REL: variants seen among roughly 807,000 people sequenced by gnomAD.
REL encodes REL proto-oncogene, NF-kB subunit, also known as proto-oncogene c-Rel.
Under a neutral mutation model 45.9 loss-of-function variants are expected in REL, and 15 were observed. The observed-to-expected ratio is 0.33, with a 90% CI of 0.22 to 0.50. The LOEUF is 0.50. REL is among the 20% of genes least tolerant of loss of function. The pLI is 0.98. For missense variants in REL, 601 were observed against 715.2 expected (o/e 0.84, Z 1.82); for synonymous variants, 239 against 242.1 (o/e 0.99, Z 0.12).
rs1673298752 is a variant in REL, at chr2:60,894,525, A to G, written c.282A>G (p.Gly94=). The change falls in exon 3 of 10, where the codon GGA becomes GGG. Residue 94 remains glycine (G), a synonymous_variant. Coordinates refer to ENST00000394479, the MANE Select transcript of REL (RefSeq NM_001291746.2). Reference sequence around the variant, plus strand: ...ACGGCTACTATGAAGCAGAATTTGGACAAGAACGCAGACCTTTGTTGTAAG... The same window carrying G: ...ACGGCTACTATGAAGCAGAATTTGGGCAAGAACGCAGACCTTTGTTGTAAG... The part of the protein sequence containing the change: ...CRDGYYEAEF[G]QERRPLFFQN... 2 of 1,603,100 alleles carry G rather than the reference A, an allele frequency of 1.2e-6. No homozygotes were observed. The highest frequency in any genetic ancestry group is 1.7e-6 in the Non-Finnish European group (2 of 1,174,874).
chr2:60,901,973 A>G (rs1484735185), intron 4 of REL, among the ~76,000 whole-genome samples: 12 of 152,116 alleles, frequency 7.9e-5, no homozygotes, highest in African/African-American at 2.9e-4. Context: ...TCCCTGGCTA[A>G]CTGTTACTTG....
At chr2:60,916,379 A>G (rs984481979) in intron 4 of REL, among the ~76,000 whole-genome samples, 2 of 152,172 alleles carry the variant, frequency 1.3e-5, no homozygotes, top group African/African-American at 4.8e-5. Flanking sequence ...GCATCACTGC[A>G]CTCCAGCCTG....
chr2:60,901,476 C>T (rs1375400273), intron 4 of REL, among the ~76,000 whole-genome samples: 1 of 152,098 alleles, frequency 6.6e-6, no homozygotes, highest in Non-Finnish European at 1.5e-5. Context: ...ATATCTTCAA[C>T]CTGTGTTTTA....
Position 60,906,096 on chromosome 2 carries a change from G to A in REL, c.394+5013G>A, listed in dbSNP as rs142838288. On this transcript the variant is annotated intron_variant, in intron 4 of 9. Transcript: ENST00000394479. ...GAGAAAATGAGGAAAATGCAAAAGC[G>A]GAAATCCCTGATAAAACCATCATAT... Among the ~76,000 whole-genome samples, 225 of 152,236 alleles carry A rather than the reference G, an allele frequency of 1.5e-3. 1 individual carries two copies. The highest frequency in any genetic ancestry group is 2.6e-3 in the Non-Finnish European group (177 of 68,020).
In REL at chr2:60,881,786, C is replaced by A; in HGVS notation, c.-55C>A. On this transcript the variant is annotated 5_prime_UTR_variant, in exon 1 of 10. Coordinates refer to ENST00000394479, the MANE Select transcript of REL (RefSeq NM_001291746.2). Reference sequence around the variant, plus strand: ...GGCCTCCTGACTGACTGACTGCGGCCGCCTCCGGCCAGGACGCTGGGAGCT... The same window carrying A: ...GGCCTCCTGACTGACTGACTGCGGCAGCCTCCGGCCAGGACGCTGGGAGCT... The A allele has an allele frequency of 2.0e-6, 3 of 1,520,218 alleles. No homozygotes were observed. The highest frequency in any genetic ancestry group is 2.6e-6 in the Non-Finnish European group (3 of 1,132,264). The allele number at this position is 1,520,218 out of a possible 1,614,324, so 94.2% of individuals were successfully genotyped here.
At chr2:60,916,804 C>G in intron 4 of REL, 73 bp from the exon 5 acceptor site, 2 of 985,994 alleles carry the variant, frequency 2.0e-6, no homozygotes, top group Non-Finnish European at 3.0e-6. Flanking sequence ...CTATAATGGG[C>G]AGGGAGGAGG....
chr2:60,893,527 T>G (rs1312494724), intron 2 of REL, among the ~76,000 whole-genome samples: 1 of 152,230 alleles, frequency 6.6e-6, no homozygotes, highest in African/African-American at 2.4e-5. Context: ...TATGTATTTT[T>G]ACCATTCCAG....
chr2:60,906,005 C>A (rs771080428), intron 4 of REL, among the ~76,000 whole-genome samples: 3 of 152,196 alleles, frequency 2.0e-5, no homozygotes, highest in Admixed American at 6.5e-5. Flanking sequence ...CTTACAGTTC[C>A]ACATGGCTGG....
rs377669843 is a variant in REL at position 60,917,850 on chromosome 2, T to C, written c.536-341T>C. Among the ~76,000 whole-genome samples the C allele has an allele frequency of 2.0e-5, 3 of 152,074 alleles. No individual in the cohort carries two copies. In the South Asian group the frequency reaches 6.2e-4, roughly 31 times the overall value. On this transcript the variant is annotated intron_variant, in intron 5 of 9. Transcript: ENST00000394479. ...AAAGTTGTATTGCCATAGGGAGATGTATTGCCATAGGGAAAATTGTATTGC... is the reference window on the plus strand; with the variant it reads ...AAAGTTGTATTGCCATAGGGAGATGCATTGCCATAGGGAAAATTGTATTGC...
At chr2:60,907,243 T>A (rs896690378) in intron 4 of REL, among the ~76,000 whole-genome samples, 4 of 151,986 alleles carry the variant, frequency 2.6e-5, no homozygotes, top group African/African-American at 9.7e-5. Context: ...ATTTCTAATA[T>A]GGTTTGCTAT....
chr2:60,916,959 A>G lies in REL; in HGVS notation c.477A>G (p.Glu159=), dbSNP rs1485439857. ...GTTTTCAAGTTTTTCTCCCTGATGA[A>G]CATGGTAATTTGACGACTGCTCTTC... ...RLCFQVFLPD[E]HGNLTTALPP... is the part of the protein sequence containing the mutation. Residue 159 remains glutamate, a synonymous_variant, in exon 5 of 10, where the codon GAA becomes GAG. Coordinates refer to ENST00000394479, the MANE Select transcript of REL (RefSeq NM_001291746.2). 6.8e-6 allele frequency: 11 copies of G among 1,613,396 alleles called. No homozygotes were observed. The highest frequency in any genetic ancestry group is 1.3e-5 in the African/African-American group (1 of 74,882).
Position 60,924,486 on chromosome 2 carries a change from T to C in REL, c.*1951T>C, listed in dbSNP as rs1214349588. On this transcript the variant is annotated 3_prime_UTR_variant, in exon 10 of 10. Coordinates refer to ENST00000394479, the MANE Select transcript of REL (RefSeq NM_001291746.2). ...TTTTGCAGTTTTACTTAGTGTGACA[T>C]TGGGTTTATGAGAATCGTGTACATT... The C allele has an allele frequency of 1.4e-5, 3 of 215,986 alleles. No homozygotes were observed. The highest frequency in any genetic ancestry group is 2.8e-5 in the Non-Finnish European group (3 of 107,362). The allele number at this position is 215,986 out of a possible 1,614,324, so 13.4% of individuals were successfully genotyped here. A position where few individuals can be genotyped will look rare whatever the true frequency, so the allele number is the denominator to read the frequency against.
chr2:60,916,783 A>G lies in REL; in HGVS notation c.395-94A>G, dbSNP rs1387231810. The stretch of plus-strand genomic sequence containing the variant: ...ATTCATACATATTTGGATGCTATTC[A>G]AGGTTATTGGCTATAATGGGCAGGG... On this transcript the variant is annotated intron_variant, in intron 4 of 9. Transcript: ENST00000394479. The G allele has an allele frequency of 2.0e-5, 15 of 731,880 alleles. No homozygotes were observed. In the East Asian group the frequency reaches 4.0e-4, roughly 19 times the overall value. 45.3% of individuals were successfully genotyped at this position (731,880 alleles called of 1,614,324 possible). A position where few individuals can be genotyped will look rare whatever the true frequency, so the allele number is the denominator to read the frequency against.
chr2:60,921,067 G>A (rs1274169408), intron 9 of REL, among the ~76,000 whole-genome samples: 1 of 151,250 alleles, frequency 6.6e-6, no homozygotes, highest in East Asian at 1.9e-4. Context: ...AGCTCACAAA[G>A]CCTAAAATAT....
intron 1 of REL, 84 bp downstream of exon 1, chr2:60,881,934 C>T: frequency 1.0e-6 from 1 of 966,108 alleles, no homozygotes; most frequent in Non-Finnish European, 1.4e-6. Flanking sequence ...TTAGGGAGCT[C>T]AGTTTTTGCT....
intron 3 of REL, 172 bp from the exon 4 acceptor site, chr2:60,900,820 C>T (rs1423703432): frequency 3.4e-6 from 2 of 583,142 alleles, no homozygotes; most frequent in Non-Finnish European, 5.8e-6. Flanking sequence ...ACGCGCCCAG[C>T]CATATAATCC....
At position 60,922,812 on chromosome 2, in the gene REL, G is replaced by A; in HGVS notation, c.*277G>A. On this transcript the variant is annotated 3_prime_UTR_variant, in exon 10 of 10. Transcript: ENST00000394479. ...TAATCCTAGCACTTTGGGAGGCCAA[G>A]GCGGGTGGATCACTTGAGACCAGGA... 1 of 872,264 alleles carries A rather than the reference G, an allele frequency of 1.1e-6. No individual in the cohort carries two copies. Among genetic ancestry groups the A allele is most frequent in the Non-Finnish European group, 1.4e-6 (1 of 710,348 alleles). 54.0% of individuals were successfully genotyped at this position (872,264 alleles called of 1,614,324 possible).
At chr2:60,911,570 T>C (rs1289076938) in intron 4 of REL, 1 of 152,122 alleles carries the variant, frequency 6.6e-6, no homozygotes, top group Admixed American at 6.5e-5. Flanking sequence ...TCAGGAGATA[T>C]GAAGTATGTA....
chr2:60,897,209 C>A (rs1475168336), intron 3 of REL, among the ~76,000 whole-genome samples: 4 of 151,926 alleles, frequency 2.6e-5, no homozygotes, highest in Non-Finnish European at 5.9e-5. Context: ...TTCAAACTGT[C>A]TCCTGTGTTT....
Sources: allele counts gnomAD v4.1 joint callset (sites outside exome capture counted in the v4.1 genomes callset), GRCh38; gene constraint gnomAD v4.1.1; transcripts MANE v1.5; gene names NCBI Gene and HGNC (gene_info 2026-07-23, HGNC 2026-07-21).